The following L3MBTL4 variants were observed in gnomAD, a reference collection of about 807,000 sequenced individuals.
L3MBTL4 encodes the protein L3MBTL histone methyl-lysine binding protein 4.
L3MBTL4 carries 70 observed loss-of-function variants against 84.5 expected under a neutral mutation model. That is an observed-to-expected ratio of 0.83 (90% CI 0.68 to 1.01). L3MBTL4 has a LOEUF of 1.01. Among genes scored for constraint, L3MBTL4 ranks in the 50% least tolerant of loss-of-function variants. The pLI is 0.00. For synonymous variants in L3MBTL4, 274 were observed against 259.8 expected (o/e 1.05, Z -0.52); for missense variants, 715 against 754.8 (o/e 0.95, Z 0.62).
chr18:6,237,128 G>A (rs1050392369), intron 10 of L3MBTL4, among the ~76,000 whole-genome samples: 5 of 151,954 alleles, frequency 3.3e-5, no homozygotes, highest in Non-Finnish European at 7.4e-5. Context: ...TAACATTTCT[G>A]TAATGAAAAA....
intron 4 of L3MBTL4, among the ~76,000 whole-genome samples, chr18:6,265,302 C>T (rs1220250787): frequency 6.6e-6 from 1 of 152,092 alleles, no homozygotes; most frequent in Admixed American, 6.6e-5. Flanking sequence ...TGTAATTCAA[C>T]AAAATTATCA....
chr18:6,325,389 T>C (rs965305862), intron 1 of L3MBTL4, among the ~76,000 whole-genome samples: 1 of 152,196 alleles, frequency 6.6e-6, no homozygotes, highest in Non-Finnish European at 1.5e-5. Flanking sequence ...CTTGCTATGT[T>C]GCCCAGGCTG....
At position 6,213,240 on chromosome 18, in the gene L3MBTL4, A is replaced by G; in HGVS notation, c.890T>C (p.Leu297Pro). Residue 297 changes from leucine (L) to proline (P), a missense_variant, in exon 12 of 19, where the codon CTG (leucine) becomes CCG (proline). Physicochemically the swap from Leu to Pro is moderately conservative, Grantham distance 98. Transcript: ENST00000317931. The stretch of plus-strand genomic sequence containing the variant: ...CACAACTTCAAGTTTCATATTTGGC[A>G]GAAAACCATGAGGCAACCTCTGTAA... ...VFKMRLPHGF[L>P]PNMKLEVVDK... 3 of 1,608,168 alleles carry G rather than the reference A, an allele frequency of 1.9e-6. No individual in the cohort carries two copies. Among genetic ancestry groups the G allele is most frequent in the Non-Finnish European group, 2.5e-6 (3 of 1,177,382 alleles).
At chr18:6,110,303 A>T (rs2059149991) in intron 14 of L3MBTL4, among the ~76,000 whole-genome samples, 3 of 152,110 alleles carry the variant, frequency 2.0e-5, no homozygotes, top group African/African-American at 2.4e-5. Context: ...ACACATACAC[A>T]TACCTGGTCT....
intron 16 of L3MBTL4, among the ~76,000 whole-genome samples, chr18:6,053,679 C>G (rs2056915613): frequency 6.6e-6 from 1 of 152,194 alleles, no homozygotes; most frequent in Non-Finnish European, 1.5e-5. Flanking sequence ...CCTTGCCTTC[C>G]TTTGCTTCTC....
At chr18:6,228,507 C>T (rs990591150) in intron 10 of L3MBTL4, among the ~76,000 whole-genome samples, 1 of 151,930 alleles carries the variant, frequency 6.6e-6, no homozygotes, top group Admixed American at 6.6e-5. Context: ...GGTAAATAAA[C>T]TGTCTCCAGA....
chr18:6,346,015 C>G (rs1375101689), intron 1 of L3MBTL4, among the ~76,000 whole-genome samples: 1 of 150,266 alleles, frequency 6.7e-6, no homozygotes, highest in Non-Finnish European at 1.5e-5. Context: ...AGAAATAAAC[C>G]TATGCATATA....
rs901104750 is a variant in L3MBTL4 at position 6,001,961 on chromosome 18, G to A, written c.1445-32399C>T. Among the ~76,000 whole-genome samples, 3 of 152,074 alleles carry A rather than the reference G, an allele frequency of 2.0e-5. No individual in the cohort carries two copies. The East Asian group carries it at 5.8e-4, about 29-fold the overall frequency. On this transcript the variant is annotated intron_variant, in intron 16 of 18. Coordinates refer to ENST00000317931, the MANE Select transcript of L3MBTL4 (RefSeq NM_001330559.2). ...AGATGCTCAACAAACTCCAAGTAAA[G>A]TAAACCTCAAGAAGACCCACAATGA...
At chr18:6,016,068 C>T (rs2054963312) in intron 16 of L3MBTL4, among the ~76,000 whole-genome samples, 1 of 152,194 alleles carries the variant, frequency 6.6e-6, no homozygotes, top group South Asian at 2.1e-4. Flanking sequence ...GGCAGGCCTC[C>T]ACTACAGGAC....
At chr18:5,996,285 C>T (rs1470513821) in intron 16 of L3MBTL4, among the ~76,000 whole-genome samples, 3 of 152,016 alleles carry the variant, frequency 2.0e-5, no homozygotes, top group Non-Finnish European at 2.9e-5. Context: ...ATGATTCAGA[C>T]GATCTTGATG....
chr18:6,226,470 C>T (rs542095674), intron 10 of L3MBTL4, among the ~76,000 whole-genome samples: 76 of 152,056 alleles, frequency 5.0e-4, no homozygotes, highest in Non-Finnish European at 1.0e-3. Context: ...AAAACAAATA[C>T]GGTAACAGCC....
intron 5 of L3MBTL4, among the ~76,000 whole-genome samples, chr18:6,254,067 G>A (rs920287950): frequency 1.3e-5 from 2 of 152,024 alleles, no homozygotes; most frequent in Non-Finnish European, 2.9e-5. Context: ...TGATGTCTTC[G>A]GGCGTTCTAG....
At chr18:6,097,761 T>G (rs1201881719) in intron 14 of L3MBTL4, among the ~76,000 whole-genome samples, 1 of 152,154 alleles carries the variant, frequency 6.6e-6, no homozygotes, top group Non-Finnish European at 1.5e-5. Context: ...TGATCCCTGT[T>G]TCTAAATGTC....
chr18:5,964,966 T>C (rs183285741), intron 17 of L3MBTL4, among the ~76,000 whole-genome samples: 2 of 152,268 alleles, frequency 1.3e-5, no homozygotes, highest in East Asian at 3.9e-4. Flanking sequence ...GATATAAAAA[T>C]ATATGAAACT....
At chr18:5,990,910 C>CA (rs2145144737) in intron 16 of L3MBTL4, among the ~76,000 whole-genome samples, 1 of 152,226 alleles carries the variant, frequency 6.6e-6, no homozygotes, top group Admixed American at 6.5e-5. Context: ...GTAAAGCACA[C>CA]AGGGCCTAGG....
chr18:6,122,919 T>C (rs1297857936), intron 14 of L3MBTL4, among the ~76,000 whole-genome samples: 1 of 152,240 alleles, frequency 6.6e-6, no homozygotes, highest in African/African-American at 2.4e-5. Context: ...AAATAATCCA[T>C]TTTAATGCAC....
intron 13 of L3MBTL4, among the ~76,000 whole-genome samples, chr18:6,140,289 A>C (rs922982443): frequency 2.6e-5 from 4 of 152,138 alleles, no homozygotes; most frequent in African/African-American, 4.8e-5. Context: ...ATCAACTGTT[A>C]TTTGACCCTC....
chr18:6,047,359 A>G (rs1323129066), intron 16 of L3MBTL4, among the ~76,000 whole-genome samples: 1 of 152,178 alleles, frequency 6.6e-6, no homozygotes, highest in African/African-American at 2.4e-5. Flanking sequence ...AGCAATTCCA[A>G]AAAATTGAGG....
chr18:5,980,331 C>T (rs1277288256), intron 16 of L3MBTL4, among the ~76,000 whole-genome samples: 1 of 152,106 alleles, frequency 6.6e-6, no homozygotes, highest in African/African-American at 2.4e-5. Context: ...GGCCAGGATT[C>T]CCCCCAGGAA....
Sources: gnomAD v4.1 joint callset for allele counts (sites outside exome capture counted in the v4.1 genomes callset) on GRCh38, gnomAD v4.1.1 for gene constraint, MANE v1.5 for transcripts, NCBI Gene and HGNC (gene_info 2026-07-23, HGNC 2026-07-21) for gene names.